IGF2BP1: variants seen among roughly 807,000 people sequenced by gnomAD.
IGF2BP1 encodes the protein insulin like growth factor 2 mRNA binding protein 1.
In IGF2BP1, 11 loss-of-function variants were observed where a neutral mutation model predicts 74.9. That is an observed-to-expected ratio of 0.15 (90% CI 0.09 to 0.24). IGF2BP1 has a LOEUF of 0.24. IGF2BP1 is among the 10% of genes least tolerant of loss of function. The probability of loss-of-function intolerance (pLI) is 1.00; values close to 1 mark genes in which losing one functional copy is unlikely to be tolerated. For missense variants in IGF2BP1, 440 were observed against 757.4 expected (o/e 0.58, Z 4.92); for synonymous variants, 287 against 281.8 (o/e 1.02, Z -0.18).
intron 11 of IGF2BP1, 90 bp from the exon 12 acceptor site, chr17:49,044,901 T>C: frequency 9.2e-7 from 1 of 1,091,594 alleles, no homozygotes; most frequent in Non-Finnish European, 1.4e-6. Flanking sequence ...TAGTTGGGAG[T>C]AAGGGTGGTA....
At chr17:48,999,273 G>T in intron 2 of IGF2BP1, 104 bp downstream of exon 2, 1 of 713,170 alleles carries the variant, frequency 1.4e-6, no homozygotes, top group Non-Finnish European at 2.5e-6. Context: ...ACCCATTACT[G>T]GTCTTTCCCA....
Position 49,038,293 on chromosome 17 carries a change from A to G in IGF2BP1, c.527A>G (p.Gln176Arg). 6.2e-7 allele frequency: 1 copy of G among 1,603,886 alleles called. No individual in the cohort carries two copies. The highest frequency in any genetic ancestry group is 1.1e-5 in the South Asian group (1 of 88,818). The change falls in exon 6 of 15, where the codon CAG becomes CGG. Residue 176 changes from glutamine to arginine, a missense_variant. Around this residue, in one of 5 missense-constraint regions of IGF2BP1, gnomAD observed 184 missense variants for 273.4 expected, o/e 0.67. Coordinates refer to ENST00000290341, the MANE Select transcript of IGF2BP1 (RefSeq NM_006546.4). The part of the protein sequence containing the change: ...GRRGGFGSRG[Q>R]PRQGSPVAAG... Reference sequence around the variant, plus strand: ...CGAGGGGGCTTTGGCTCTCGGGGTCAGCCCCGCCAGGGCTCACCTGTGGCA... The same window carrying G: ...CGAGGGGGCTTTGGCTCTCGGGGTCGGCCCCGCCAGGGCTCACCTGTGGCA...
rs888038478 is a variant in IGF2BP1 at position 49,052,897 on chromosome 17, T to C, written c.*3453T>C. The C allele has an allele frequency of 6.6e-6, 1 of 152,372 alleles. No homozygotes were observed. Among genetic ancestry groups the C allele is most frequent in the African/African-American group, 2.4e-5 (1 of 41,456 alleles). The allele number at this position is 152,372 out of a possible 1,614,324, so 9.4% of individuals were successfully genotyped here. ...ATCTCTTTAGGATATATTTTTAAAT[T>C]CTTTGAAACACATAACCAAAATGGT... On this transcript the variant is annotated 3_prime_UTR_variant, in exon 15 of 15. Coordinates refer to ENST00000290341, the MANE Select transcript of IGF2BP1 (RefSeq NM_006546.4).
intron 13 of IGF2BP1, 59 bp from the exon 14 acceptor site, chr17:49,046,201 C>A (rs934887737): frequency 4.6e-6 from 7 of 1,516,580 alleles, no homozygotes; most frequent in Middle Eastern, 1.8e-4. Flanking sequence ...TGGCTCCTCC[C>A]TCCAACCCCA....
At chr17:49,025,037 C>G (rs928892602) in intron 2 of IGF2BP1, among the ~76,000 whole-genome samples, 4 of 151,954 alleles carry the variant, frequency 2.6e-5, no homozygotes, top group African/African-American at 9.7e-5. Flanking sequence ...ACTGAAAATA[C>G]AGAAATTAGC....
chr17:49,031,046 C>T, intron 4 of IGF2BP1, among the ~76,000 whole-genome samples: 1 of 152,172 alleles, frequency 6.6e-6, no homozygotes, highest in East Asian at 1.9e-4. Flanking sequence ...AGGGTGGCTA[C>T]ACCCATTTGT....
At chr17:49,029,104 C>T (rs934359279) in intron 4 of IGF2BP1, among the ~76,000 whole-genome samples, 1 of 152,182 alleles carries the variant, frequency 6.6e-6, no homozygotes, top group Non-Finnish European at 1.5e-5. Flanking sequence ...CGCACCTGGC[C>T]TCATCTGATT....
At chr17:49,037,346 CA>C in intron 5 of IGF2BP1, 2 of 504,390 alleles carry the variant, frequency 4.0e-6, no homozygotes, top group Admixed American at 2.9e-5. Flanking sequence ...ATGAAGAATG[CA>C]AAATGGAATA....
chr17:49,011,168 C>A (rs368515354), intron 2 of IGF2BP1, among the ~76,000 whole-genome samples: 5,373 of 72,740 alleles, frequency 0.074, 93 homozygotes, highest in African/African-American at 0.083. Flanking sequence ...AAAAAAAAAA[C>A]AAACCCTAAA....
chr17:49,023,570 C>G (rs1392913456), intron 2 of IGF2BP1, among the ~76,000 whole-genome samples: 3 of 152,158 alleles, frequency 2.0e-5, no homozygotes, highest in African/African-American at 7.2e-5. Context: ...AAACCCCTTC[C>G]CCCAAGCTTG....
chr17:49,009,723 T>C (rs2041593354), intron 2 of IGF2BP1, among the ~76,000 whole-genome samples: 1 of 149,924 alleles, frequency 6.7e-6, no homozygotes, highest in African/African-American at 2.5e-5. Context: ...AAAAAAAATT[T>C]AATCGTAAAA....
intron 2 of IGF2BP1, among the ~76,000 whole-genome samples, chr17:49,010,289 T>C (rs904386795): frequency 1.3e-5 from 2 of 151,820 alleles, no homozygotes; most frequent in Admixed American, 6.6e-5. Context: ...TTGCCAGTTT[T>C]ACTTTTTCCC....
chr17:49,016,279 G>A (rs1206831175), intron 2 of IGF2BP1, among the ~76,000 whole-genome samples: 2 of 152,216 alleles, frequency 1.3e-5, no homozygotes, highest in Non-Finnish European at 2.9e-5. Flanking sequence ...TCTGTGAAAT[G>A]AGGGTGACTG....
chr17:49,049,287 C>G (rs2042140062), intron 14 of IGF2BP1, 65 bp from the exon 15 acceptor site: 6 of 1,390,694 alleles, frequency 4.3e-6, no homozygotes, highest in East Asian at 2.3e-5. Context: ...CTGATGACCT[C>G]TCTTCCGTGG....
rs182259187 is a variant in IGF2BP1, at chr17:48,997,430, G to A, written c.-316G>A. The A allele has an allele frequency of 1.5e-3, 390 of 255,148 alleles. 4 individuals are homozygous for A. Among genetic ancestry groups the A allele is most frequent in the Admixed American group, 3.0e-3 (55 of 18,100 alleles). The allele number at this position is 255,148 out of a possible 1,614,324, so 15.8% of individuals were successfully genotyped here. On this transcript the variant is annotated 5_prime_UTR_variant, in exon 1 of 15. Transcript: ENST00000290341. This position sits in a 1 kb window ranked among gnomAD's most constrained non-coding sequence, Gnocchi z 4.8. ...CGATTTTATTTAGAGGCGGCGCCAG[G>A]GCGGCCGCGGAGAAACGTGACACAC...
At chr17:49,030,551 C>T (rs1053531941) in intron 4 of IGF2BP1, among the ~76,000 whole-genome samples, 6 of 152,082 alleles carry the variant, frequency 3.9e-5, no homozygotes, top group Admixed American at 1.3e-4. Context: ...TCTTTGCAGG[C>T]CATTTCTTGG....
chr17:49,008,467 A>C (rs1316925522), intron 2 of IGF2BP1, among the ~76,000 whole-genome samples: 52 of 152,168 alleles, frequency 3.4e-4, no homozygotes, highest in Non-Finnish European at 8.8e-5. Flanking sequence ...AATAGAGTGG[A>C]GTGATTGCTG....
rs1014338498 is a variant in IGF2BP1, at chr17:49,055,100, G to GA, written c.*5663dup. On this transcript the variant is annotated 3_prime_UTR_variant, in exon 15 of 15. Transcript: ENST00000290341. ...GGGAAAAAGATTTCTTTTTCCAAAG[G>GA]AAAAAAATATTACCTTGAGAATACT... 15 of 129,006 alleles carry GA rather than the reference G, an allele frequency of 1.2e-4. No homozygotes were observed. Among genetic ancestry groups the GA allele is most frequent in the African/African-American group, 4.4e-4 (15 of 34,280 alleles). The allele number at this position is 129,006 out of a possible 1,614,324, so 8.0% of individuals were successfully genotyped here. A position where few individuals can be genotyped will look rare whatever the true frequency, so the allele number is the denominator to read the frequency against.
chr17:49,040,239 C>T, intron 7 of IGF2BP1, 148 bp downstream of exon 7: 7 of 943,360 alleles, frequency 7.4e-6, no homozygotes, highest in Non-Finnish European at 1.1e-5. Context: ...AATCTTTCTT[C>T]TTACAGGACT....
Sources: gnomAD v4.1 joint callset for allele counts (sites outside exome capture counted in the v4.1 genomes callset) on GRCh38, gnomAD v4.1.1 for gene constraint, gnomAD v4.1.1 regional missense constraint, Gnocchi (gnomAD v3.1) non-coding constraint, MANE v1.5 for transcripts, NCBI Gene and HGNC (gene_info 2026-07-23, HGNC 2026-07-21) for gene names.